Variants in DLGAP4 observed in about 807,000 individuals in gnomAD.
DLGAP4 encodes the protein DLG associated protein 4.
DLGAP4 carries 18 observed loss-of-function variants against 86.9 expected under a neutral mutation model. That is an observed-to-expected ratio of 0.21 (90% confidence interval 0.14 to 0.31). DLGAP4 has a LOEUF of 0.31. Ranked by LOEUF, DLGAP4 falls within the 10% of genes least tolerant of loss-of-function variation. DLGAP4 has a pLI of 1.00. For missense variants in DLGAP4, 1,085 were observed against 1,362.6 expected (o/e 0.80, Z 3.21); for synonymous variants, 548 against 574.3 (o/e 0.95, Z 0.65).
chr20:36,332,696 G>GT (rs2065282173), intron 1 of DLGAP4, among the ~76,000 whole-genome samples: 1 of 152,142 alleles, frequency 6.6e-6, no homozygotes, highest in African/African-American at 2.4e-5. Flanking sequence ...CCAGGAGGAG[G>GT]TGCCCCCATT....
chr20:36,327,652 C>T (rs1333110428), intron 1 of DLGAP4, among the ~76,000 whole-genome samples: 12 of 137,152 alleles, frequency 8.7e-5, no homozygotes, highest in East Asian at 6.4e-4. Context: ...AGTGCAGTGG[C>T]GGGATCTCGG....
chr20:36,519,079 T>C (rs2037211509), intron 10 of DLGAP4, among the ~76,000 whole-genome samples: 1 of 150,998 alleles, frequency 6.6e-6, no homozygotes, highest in Non-Finnish European at 1.5e-5. Flanking sequence ...ATCGTACCAC[T>C]GCACACCAGC....
chr20:36,308,609 C>T lies in DLGAP4; in HGVS notation c.-304+2097C>T, dbSNP rs1353376195. 6.6e-6 allele frequency among the ~76,000 whole-genome samples: 1 copy of T among 152,270 alleles called. No individual in the cohort carries two copies. The highest frequency in any genetic ancestry group is 3.4e-3 in the Middle Eastern group (1 of 294). The stretch of plus-strand genomic sequence containing the variant: ...GGAGACGCTGACGTATCGGATGTAT[C>T]GGGGCACCCACTGACATCTCATTAG... On this transcript the variant is annotated intron_variant, in intron 1 of 12. Transcript: ENST00000339266. The surrounding 1 kb of genome is among the most constrained non-coding windows in gnomAD (Gnocchi z 4.5).
intron 1 of DLGAP4, among the ~76,000 whole-genome samples, chr20:36,314,924 T>G (rs1438945913): frequency 7.1e-6 from 1 of 140,580 alleles, no homozygotes; most frequent in African/African-American, 2.7e-5. Context: ...GTGATGCGTA[T>G]GTGGTGTGTG....
intron 10 of DLGAP4, among the ~76,000 whole-genome samples, chr20:36,512,023 A>G (rs1195008192): frequency 6.6e-6 from 1 of 151,464 alleles, no homozygotes; most frequent in African/African-American, 2.4e-5. Context: ...ATTGTTTGCT[A>G]AGAATGCCAA....
intron 7 of DLGAP4, among the ~76,000 whole-genome samples, chr20:36,462,864 T>G (rs1345740642): frequency 6.6e-6 from 1 of 152,250 alleles, no homozygotes; most frequent in African/African-American, 2.4e-5. Flanking sequence ...TGGCCCCGCA[T>G]GGCCTGGCAC....
intron 7 of DLGAP4, among the ~76,000 whole-genome samples, chr20:36,475,795 G>A (rs2034884307): frequency 6.6e-6 from 1 of 152,038 alleles, no homozygotes; most frequent in South Asian, 2.1e-4. Flanking sequence ...ATAACTGCTG[G>A]GGCTCATTCT....
At chr20:36,448,386 A>C (rs754980803) in intron 7 of DLGAP4, among the ~76,000 whole-genome samples, 2 of 152,118 alleles carry the variant, frequency 1.3e-5, no homozygotes, top group Non-Finnish European at 2.9e-5. Flanking sequence ...CCAAGGAAAA[A>C]CAGCACAATT....
chr20:36,428,656 C>T (rs939020544), intron 2 of DLGAP4, among the ~76,000 whole-genome samples: 4 of 152,234 alleles, frequency 2.6e-5, no homozygotes, highest in Non-Finnish European at 5.9e-5. Flanking sequence ...GGCCAGTGGG[C>T]TGGGTGGGGC....
intron 7 of DLGAP4, among the ~76,000 whole-genome samples, chr20:36,472,915 G>A (rs537971335): frequency 1.3e-5 from 2 of 152,120 alleles, no homozygotes; most frequent in Non-Finnish European, 2.9e-5. Context: ...GTGGGGCCCC[G>A]CAGGGAGAGG....
chr20:36,525,824 C>T lies in DLGAP4; in HGVS notation c.2605-27C>T, dbSNP rs1426753654. 4 of 1,610,316 alleles carry T rather than the reference C, an allele frequency of 2.5e-6. No individual in the cohort carries two copies. The Admixed American group carries it at 6.7e-5, about 27-fold the overall frequency. ...GCAGGACAAGCCTCTGCTGAGCTGGCCCCACTGATCCCCATCTGGCCCACA... is the reference window on the plus strand; with the variant it reads ...GCAGGACAAGCCTCTGCTGAGCTGGTCCCACTGATCCCCATCTGGCCCACA... On this transcript the variant is annotated intron_variant, in intron 11 of 12. Coordinates refer to ENST00000339266, the MANE Select transcript of DLGAP4 (RefSeq NM_001365621.2).
intron 1 of DLGAP4, among the ~76,000 whole-genome samples, chr20:36,322,649 C>T (rs1323606554): frequency 6.6e-6 from 1 of 152,144 alleles, no homozygotes; most frequent in Admixed American, 6.5e-5. Context: ...AGATGGAGGG[C>T]ATCTGTGCAG....
chr20:36,458,378 TCTTG>T (rs1335022717), intron 7 of DLGAP4, among the ~76,000 whole-genome samples: 1 of 122,022 alleles, frequency 8.2e-6, no homozygotes, highest in East Asian at 2.6e-4. Flanking sequence ...TGAGATGAAG[TCTTG>T]CTTCTGTTGC....
At chr20:36,522,479 A>G (rs971792432) in intron 10 of DLGAP4, among the ~76,000 whole-genome samples, 1 of 151,836 alleles carries the variant, frequency 6.6e-6, no homozygotes, top group African/African-American at 2.4e-5. Flanking sequence ...TTAATTTCAA[A>G]TAAGAGATTA....
chr20:36,486,383 T>C (rs953182304), intron 7 of DLGAP4, among the ~76,000 whole-genome samples: 2 of 152,148 alleles, frequency 1.3e-5, no homozygotes, highest in Admixed American at 6.5e-5. Flanking sequence ...GACATGCTAC[T>C]TGAGCTGGAC....
chr20:36,376,004 C>G (rs2031137906), intron 2 of DLGAP4, among the ~76,000 whole-genome samples: 1 of 152,004 alleles, frequency 6.6e-6, no homozygotes, highest in Admixed American at 6.5e-5. Flanking sequence ...CCCTGTCTCT[C>G]TCTCCATCTC....
At position 36,454,658 on chromosome 20, in the gene DLGAP4, C is replaced by T. The variant is rs1056831504; in HGVS notation, c.1648+7721C>T. 2.1e-4 allele frequency among the ~76,000 whole-genome samples: 32 copies of T among 152,322 alleles called. No individual in the cohort carries two copies. In the Middle Eastern group the frequency reaches 0.01, roughly 49 times the overall value. On this transcript the variant is annotated intron_variant, in intron 7 of 12. Transcript: ENST00000339266. Reference sequence around the variant, plus strand: ...GAGCAATCGGGTCCTTTCTCCACCCCCAGGGCTGTTCTGAGCCCCCACGTT... The same window carrying T: ...GAGCAATCGGGTCCTTTCTCCACCCTCAGGGCTGTTCTGAGCCCCCACGTT...
chr20:36,521,398 A>G (rs1355485080), intron 10 of DLGAP4, among the ~76,000 whole-genome samples: 1 of 152,080 alleles, frequency 6.6e-6, no homozygotes, highest in Admixed American at 6.6e-5. Context: ...TTCTGTTTCT[A>G]AAAAGATAAA....
intron 10 of DLGAP4, among the ~76,000 whole-genome samples, chr20:36,502,461 C>T (rs1186125467): frequency 6.6e-6 from 1 of 152,112 alleles, no homozygotes; most frequent in African/African-American, 2.4e-5. Flanking sequence ...GTAATCCTCT[C>T]ACCTCAGCTT....
Sources: gnomAD v4.1 joint callset for allele counts (sites outside exome capture counted in the v4.1 genomes callset) on GRCh38, gnomAD v4.1.1 for gene constraint, Gnocchi (gnomAD v3.1) non-coding constraint, MANE v1.5 for transcripts, NCBI Gene and HGNC (gene_info 2026-07-23, HGNC 2026-07-21) for gene names.